RORB: variants seen among roughly 807,000 people sequenced by gnomAD.
RORB encodes the protein nuclear receptor ROR-beta.
In RORB, 6 loss-of-function variants were observed where a neutral mutation model predicts 59.1. That is an observed-to-expected ratio of 0.10 (90% confidence interval 0.06 to 0.20). The LOEUF (loss-of-function observed/expected upper bound fraction) is 0.20, where lower values mean the gene tolerates loss of function less well. RORB is among the 10% of genes least tolerant of loss of function. The pLI is 1.00. For synonymous variants in RORB, 215 were observed against 204.5 expected (o/e 1.05, Z -0.44); for missense variants, 320 against 560.5 (o/e 0.57, Z 4.33).
intron 1 of RORB, among the ~76,000 whole-genome samples, chr9:74,531,620 G>C (rs1360771995): frequency 6.6e-6 from 1 of 151,850 alleles, no homozygotes; most frequent in Non-Finnish European, 1.5e-5. Context: ...CTGCATAATT[G>C]CCTTCTTTAA....
chr9:74,612,377 G>A (rs1173627456), intron 1 of RORB, among the ~76,000 whole-genome samples: 1 of 152,132 alleles, frequency 6.6e-6, no homozygotes, highest in African/African-American at 2.4e-5. Flanking sequence ...TAGAAAGGTA[G>A]GCCAAGGAGG....
intron 9 of RORB, among the ~76,000 whole-genome samples, chr9:74,681,311 C>G (rs1824543999): frequency 6.6e-6 from 1 of 152,134 alleles, no homozygotes; most frequent in African/African-American, 2.4e-5. Context: ...GCCTGCTGCT[C>G]TCTACACCAG....
intron 1 of RORB, among the ~76,000 whole-genome samples, chr9:74,607,373 G>A (rs1170657899): frequency 6.6e-6 from 1 of 152,196 alleles, no homozygotes; most frequent in African/African-American, 2.4e-5. Flanking sequence ...CCACTGAGTT[G>A]AGGATTGTAA....
At chr9:74,590,922 C>A (rs563379253) in intron 1 of RORB, among the ~76,000 whole-genome samples, 1 of 152,074 alleles carries the variant, frequency 6.6e-6, no homozygotes, top group Non-Finnish European at 1.5e-5. Context: ...CAGCCCCCCA[C>A]GTAGCTGGGA....
intron 5 of RORB, among the ~76,000 whole-genome samples, chr9:74,662,226 A>G (rs899820036): frequency 1.3e-5 from 2 of 152,232 alleles, no homozygotes; most frequent in East Asian, 1.9e-4. Context: ...CTTACTTACT[A>G]TAAACAATGT....
intron 1 of RORB, among the ~76,000 whole-genome samples, chr9:74,610,033 T>C (rs1400621763): frequency 6.6e-6 from 1 of 152,238 alleles, no homozygotes; most frequent in African/African-American, 2.4e-5. Context: ...TCTGTACTTC[T>C]GTACTACTGA....
intron 5 of RORB, 33 bp downstream of exon 5, chr9:74,660,771 T>G: frequency 6.2e-7 from 1 of 1,600,584 alleles, no homozygotes; most frequent in Non-Finnish European, 8.5e-7. Context: ...AGTTTTTCTG[T>G]GATTACCCTA....
chr9:74,534,837 C>T (rs553270880), intron 1 of RORB, among the ~76,000 whole-genome samples: 17 of 152,198 alleles, frequency 1.1e-4, no homozygotes, highest in African/African-American at 3.9e-4. Flanking sequence ...GACATTACTT[C>T]GTCTTTTTCT....
At chr9:74,638,803 G>T (rs927377125) in intron 3 of RORB, among the ~76,000 whole-genome samples, 1 of 152,112 alleles carries the variant, frequency 6.6e-6, no homozygotes, top group African/African-American at 2.4e-5. Flanking sequence ...CTGAAACACT[G>T]GCTCATCAAT....
chr9:74,665,414 C>T, intron 6 of RORB, 74 bp from the exon 7 acceptor site: 1 of 808,648 alleles, frequency 1.2e-6, no homozygotes, highest in Non-Finnish European at 1.9e-6. Context: ...TACCTATATG[C>T]AGTAATAATT....
intron 3 of RORB, among the ~76,000 whole-genome samples, chr9:74,639,359 GA>G (rs1823756272): frequency 6.6e-6 from 1 of 152,174 alleles, no homozygotes; most frequent in African/African-American, 2.4e-5. Flanking sequence ...TGCAAAGAAT[GA>G]AAGAGCACTG....
At chr9:74,657,070 G>A (rs533216613) in intron 4 of RORB, among the ~76,000 whole-genome samples, 1 of 152,056 alleles carries the variant, frequency 6.6e-6, no homozygotes, top group Non-Finnish European at 1.5e-5. Flanking sequence ...TTTTTGAGAC[G>A]GAGTCACGCT....
At chr9:74,517,239 AAT>A (rs1358747949) in intron 1 of RORB, among the ~76,000 whole-genome samples, 1 of 151,976 alleles carries the variant, frequency 6.6e-6, no homozygotes, top group East Asian at 1.9e-4. Flanking sequence ...AAAATGAATC[AAT>A]GTTTTTCTTC....
chr9:74,623,082 C>T (rs935710465), intron 1 of RORB, among the ~76,000 whole-genome samples: 1 of 152,176 alleles, frequency 6.6e-6, no homozygotes, highest in Non-Finnish European at 1.5e-5. Flanking sequence ...AAAATGAGTT[C>T]ATTGCTGGTT....
At chr9:74,681,084 C>T (rs931042608) in intron 9 of RORB, among the ~76,000 whole-genome samples, 6 of 152,114 alleles carry the variant, frequency 3.9e-5, no homozygotes, top group South Asian at 2.1e-4. Context: ...TTGATAGATC[C>T]TCTGTCTACT....
intron 1 of RORB, among the ~76,000 whole-genome samples, chr9:74,543,902 A>G (rs553257274): frequency 6.6e-6 from 1 of 152,300 alleles, no homozygotes; most frequent in East Asian, 1.9e-4. Context: ...AGTTTCATAT[A>G]TAGGTGTAAA....
chr9:74,679,148 C>T (rs1375243963), intron 9 of RORB, among the ~76,000 whole-genome samples: 3 of 151,900 alleles, frequency 2.0e-5, no homozygotes, highest in African/African-American at 7.3e-5. Context: ...TTTGGGTTCA[C>T]TTTCATCTTA....
chr9:74,624,737 G>A (rs1470517244), intron 1 of RORB, among the ~76,000 whole-genome samples: 5 of 152,150 alleles, frequency 3.3e-5, no homozygotes, highest in African/African-American at 4.8e-5. Context: ...TGGATTTGTC[G>A]CAGATGGTAG....
intron 1 of RORB, among the ~76,000 whole-genome samples, chr9:74,607,936 C>A (rs1162327493): frequency 6.6e-6 from 1 of 152,098 alleles, no homozygotes; most frequent in African/African-American, 2.4e-5. Flanking sequence ...TGGAGGGAAT[C>A]ATAATTGGTT....
Sources: allele counts gnomAD v4.1 joint callset (sites outside exome capture counted in the v4.1 genomes callset), GRCh38; gene constraint gnomAD v4.1.1; transcripts MANE v1.5; gene names NCBI Gene and HGNC (gene_info 2026-07-23, HGNC 2026-07-21).